Variants in PAPPA observed in about 807,000 individuals in gnomAD.
The protein encoded by PAPPA is pappalysin 1, also known as pappalysin-1.
A neutral mutation model predicts 164.0 loss-of-function variants in PAPPA; 60 were observed. The observed-to-expected ratio is 0.37, with a 90% CI of 0.30 to 0.45. PAPPA has a LOEUF of 0.45. Among genes scored for constraint, PAPPA ranks in the 20% least tolerant of loss-of-function variants. The probability of loss-of-function intolerance (pLI) is 1.00; values close to 1 mark genes in which losing one functional copy is unlikely to be tolerated. For synonymous variants in PAPPA, 875 were observed against 814.1 expected (o/e 1.07, Z -1.27); for missense variants, 1,782 against 2,087.3 (o/e 0.85, Z 2.85).
At chr9:116,155,902 CT>C (rs544306108) in intron 1 of PAPPA, among the ~76,000 whole-genome samples, 52 of 147,546 alleles carry the variant, frequency 3.5e-4, no homozygotes, top group Middle Eastern at 3.5e-3. Context: ...GCTATTTTTC[CT>C]TTTTTTTTTT....
Position 116,239,095 on chromosome 9 carries a change from T to TC in PAPPA, c.2732+3459dup, listed in dbSNP as rs1252872007. On this transcript the variant is annotated intron_variant, in intron 7 of 21. Transcript: ENST00000328252. ...CTTTGACCTTTGTCTTCATTTTTTT[T>TC]CTCTCAACAAAAATATTTATTCTTT... Among the ~76,000 whole-genome samples, 3 of 152,180 alleles carry TC rather than the reference T, an allele frequency of 2.0e-5. No individual in the cohort carries two copies. The East Asian group carries it at 5.8e-4, about 29-fold the overall frequency.
intron 1 of PAPPA, among the ~76,000 whole-genome samples, chr9:116,183,594 C>G (rs1417920140): frequency 6.6e-6 from 1 of 152,056 alleles, no homozygotes; most frequent in Non-Finnish European, 1.5e-5. Context: ...AAATAAAACC[C>G]CATTGCCACC....
At chr9:116,330,635 G>A (rs1245799599) in intron 10 of PAPPA, among the ~76,000 whole-genome samples, 1 of 151,968 alleles carries the variant, frequency 6.6e-6, no homozygotes, top group Non-Finnish European at 1.5e-5. Context: ...GGGTGTGTGT[G>A]TGTGTATAAA....
chr9:116,278,866 A>G (rs1845233776), intron 9 of PAPPA, among the ~76,000 whole-genome samples: 1 of 152,190 alleles, frequency 6.6e-6, no homozygotes, highest in Non-Finnish European at 1.5e-5. Flanking sequence ...GAATGACATA[A>G]CATCTATAGA....
At chr9:116,314,084 T>C (rs1845757301) in intron 10 of PAPPA, among the ~76,000 whole-genome samples, 1 of 131,382 alleles carries the variant, frequency 7.6e-6, no homozygotes, top group Admixed American at 8.1e-5. Flanking sequence ...TTTTTTTTTT[T>C]TTTTTTGAGA....
At chr9:116,297,631 G>A (rs1487183443) in intron 9 of PAPPA, among the ~76,000 whole-genome samples, 1 of 152,090 alleles carries the variant, frequency 6.6e-6, no homozygotes, top group Non-Finnish European at 1.5e-5. Flanking sequence ...CTTTTCTTTA[G>A]GTTGTTACTT....
In PAPPA at chr9:116,344,724, G is replaced by A. The variant is rs1160015147; in HGVS notation, c.3780+13G>A. ...GATCAAGAGCCAGGTATGTGCAGGT[G>A]CTGAGCTCAGAGCCTCTCTGCAGCC... On this transcript the variant is annotated intron_variant, in intron 14 of 21. Coordinates refer to ENST00000328252, the MANE Select transcript of PAPPA (RefSeq NM_002581.5). 1.9e-6 allele frequency: 3 copies of A among 1,608,330 alleles called. No individual in the cohort carries two copies. Among genetic ancestry groups the A allele is most frequent in the African/African-American group, 1.3e-5 (1 of 74,846 alleles).
chr9:116,291,283 T>C (rs927012079), intron 9 of PAPPA, among the ~76,000 whole-genome samples: 2 of 152,152 alleles, frequency 1.3e-5, no homozygotes, highest in African/African-American at 4.8e-5. Context: ...TCAAATTCAG[T>C]TAGGATAGAA....
intron 6 of PAPPA, among the ~76,000 whole-genome samples, chr9:116,234,555 T>C (rs1309050044): frequency 6.6e-6 from 1 of 152,148 alleles, no homozygotes; most frequent in East Asian, 1.9e-4. Context: ...TTTCTGTCAG[T>C]CCAAGTAGGT....
At chr9:116,258,205 C>G (rs976347042) in intron 7 of PAPPA, among the ~76,000 whole-genome samples, 2 of 152,042 alleles carry the variant, frequency 1.3e-5, no homozygotes, top group African/African-American at 4.8e-5. Flanking sequence ...TCCCAACAGG[C>G]ATTTGTAAGG....
intron 6 of PAPPA, among the ~76,000 whole-genome samples, chr9:116,231,661 G>A (rs1357412248): frequency 9.4e-3 from 1 of 106 alleles, no homozygotes; most frequent in Admixed American, 0.17. Flanking sequence ...ATGAATGGGC[G>A]GATGGATGGA....
chr9:116,194,910 C>G (rs897098552), intron 2 of PAPPA, among the ~76,000 whole-genome samples: 6 of 152,154 alleles, frequency 3.9e-5, no homozygotes, highest in Non-Finnish European at 8.8e-5. Context: ...AAAATATTAA[C>G]TTTTTTTAAA....
intron 7 of PAPPA, among the ~76,000 whole-genome samples, chr9:116,260,662 C>G (rs1412976761): frequency 6.6e-6 from 1 of 152,048 alleles, no homozygotes; most frequent in Non-Finnish European, 1.5e-5. Flanking sequence ...CATAAGGATA[C>G]AACACAACAC....
At chr9:116,282,541 G>C (rs1401213401) in intron 9 of PAPPA, among the ~76,000 whole-genome samples, 5 of 152,092 alleles carry the variant, frequency 3.3e-5, no homozygotes, top group Non-Finnish European at 7.4e-5. Flanking sequence ...TAATTCCACT[G>C]GTTAATCACA....
At chr9:116,193,694 G>A (rs1025161766) in intron 2 of PAPPA, among the ~76,000 whole-genome samples, 14 of 152,144 alleles carry the variant, frequency 9.2e-5, no homozygotes, top group Admixed American at 1.3e-4. Context: ...ATTCCATTAA[G>A]ACACCTTAGT....
At position 116,188,110 on chromosome 9, in the gene PAPPA, G is replaced by A. The variant is rs1461003175; in HGVS notation, c.1372G>A (p.Asp458Asn). 1.2e-6 allele frequency: 2 copies of A among 1,614,128 alleles called. No homozygotes were observed. The highest frequency in any genetic ancestry group is 2.7e-5 in the African/African-American group (2 of 74,942). The change falls in exon 2 of 22, where the codon GAC becomes AAC. Residue 458 changes from aspartate (D) to asparagine (N), a missense_variant. Physicochemically the swap from Asp to Asn is conservative, Grantham distance 23. Coordinates refer to ENST00000328252, the MANE Select transcript of PAPPA (RefSeq NM_002581.5). ...FVKKQHNGVC[D>N]MDCNYERFNF... ...GAAGAAGCAGCACAACGGGGTGTGT[G>A]ACATGGACTGCAACTATGAACGGTT...
At position 116,367,727 on chromosome 9, in the gene PAPPA, C is replaced by T. The variant is rs1846520856; in HGVS notation, c.4578C>T (p.Pro1526=). The change falls in exon 19 of 22, where the codon CCC becomes CCT. Residue 1526 remains proline (P), a synonymous_variant. Coordinates refer to ENST00000328252, the MANE Select transcript of PAPPA (RefSeq NM_002581.5). The part of the protein sequence containing the change: ...LPMNVTVRDI[P]HWLNPTRVER... ...TGAACGTGACCGTGCGTGACATCCC[C>T]CACTGGCTGAACCCCACACGGGTAG... The T allele has an allele frequency of 1.2e-6, 2 of 1,613,706 alleles. No individual in the cohort carries two copies. Among genetic ancestry groups the T allele is most frequent in the Admixed American group, 1.7e-5 (1 of 60,010 alleles).
chr9:116,332,323 A>G lies in PAPPA; in HGVS notation c.3262-10A>G. ...GCACATGTGACCCTCCTACGTCTTC[A>G]CAATTTCAGGCGTATTTTTCTCAAC... is the stretch of plus-strand genomic sequence containing the variant. On this transcript the variant is annotated splice_polypyrimidine_tract_variant and intron_variant, in intron 11 of 21. Coordinates refer to ENST00000328252, the MANE Select transcript of PAPPA (RefSeq NM_002581.5). 1 of 1,611,096 alleles carries G rather than the reference A, an allele frequency of 6.2e-7. No individual in the cohort carries two copies. The highest frequency in any genetic ancestry group is 8.5e-7 in the Non-Finnish European group (1 of 1,177,874).
At chr9:116,265,043 T>C (rs907815238) in intron 7 of PAPPA, among the ~76,000 whole-genome samples, 1 of 152,130 alleles carries the variant, frequency 6.6e-6, no homozygotes, top group African/African-American at 2.4e-5. Flanking sequence ...TCCCAGGACA[T>C]GACCCAACTT....
Sources: gnomAD v4.1 joint callset for allele counts (sites outside exome capture counted in the v4.1 genomes callset) on GRCh38, gnomAD v4.1.1 for gene constraint, MANE v1.5 for transcripts, NCBI Gene and HGNC (gene_info 2026-07-23, HGNC 2026-07-21) for gene names.